The following GNAQ variants were observed in gnomAD, a reference collection of about 807,000 sequenced individuals.
GNAQ encodes the protein G protein subunit alpha q, also known as guanine nucleotide-binding protein G(q) subunit alpha.
A neutral mutation model predicts 43.9 loss-of-function variants in GNAQ; 8 were observed. That is an observed-to-expected ratio of 0.18 (90% confidence interval 0.11 to 0.33). GNAQ has a LOEUF of 0.33. Among genes scored for constraint, GNAQ ranks in the 10% least tolerant of loss-of-function variants. The probability of loss-of-function intolerance (pLI) is 1.00; values close to 1 mark genes in which losing one functional copy is unlikely to be tolerated. For synonymous variants in GNAQ, 155 were observed against 170.7 expected (o/e 0.91, Z 0.71); for missense variants, 158 against 450.8 (o/e 0.35, Z 5.88).
At chr9:78,003,230 G>A (rs183527547) in intron 1 of GNAQ, among the ~76,000 whole-genome samples, 135 of 152,248 alleles carry the variant, frequency 8.9e-4, no homozygotes, top group Non-Finnish European at 1.7e-3. Flanking sequence ...ATCCCTCAAG[G>A]AATGAAAAGT....
intron 1 of GNAQ, among the ~76,000 whole-genome samples, chr9:78,017,111 A>G (rs1178404291): frequency 6.6e-6 from 1 of 152,224 alleles, no homozygotes; most frequent in East Asian, 1.9e-4. Context: ...CAAAGTAAAT[A>G]TTCATTAAAA....
At chr9:77,722,092 G>C (rs1825323631) in intron 6 of GNAQ, among the ~76,000 whole-genome samples, 1 of 151,676 alleles carries the variant, frequency 6.6e-6, no homozygotes, top group South Asian at 2.1e-4. Flanking sequence ...CATTTGTGTA[G>C]CATTCAGTTC....
chr9:77,936,380 G>A (rs1047584568), intron 1 of GNAQ, among the ~76,000 whole-genome samples: 2 of 151,920 alleles, frequency 1.3e-5, no homozygotes, highest in Admixed American at 1.3e-4. Flanking sequence ...TTAATACACC[G>A]ACCCAATAAT....
chr9:77,733,565 C>G (rs2118235304), intron 5 of GNAQ, among the ~76,000 whole-genome samples: 1 of 152,308 alleles, frequency 6.6e-6, no homozygotes, highest in African/African-American at 2.4e-5. Flanking sequence ...ACCCAACTTC[C>G]CCAAGCAGTT....
At chr9:77,967,575 A>AC (rs1419116809) in intron 1 of GNAQ, among the ~76,000 whole-genome samples, 1 of 152,220 alleles carries the variant, frequency 6.6e-6, no homozygotes, top group Non-Finnish European at 1.5e-5. Context: ...ACAAAATGCC[A>AC]CATATGATTC....
chr9:77,949,520 G>A (rs572311626), intron 1 of GNAQ, among the ~76,000 whole-genome samples: 5 of 152,254 alleles, frequency 3.3e-5, no homozygotes, highest in South Asian at 4.1e-4. Flanking sequence ...CAGTAGTGCC[G>A]GCCACACAAG....
chr9:77,728,380 T>A lies in GNAQ; in HGVS notation c.889+134A>T, dbSNP rs118129359. 888 of 692,348 alleles carry A rather than the reference T, an allele frequency of 1.3e-3. 8 individuals carry two copies. In the East Asian group the frequency reaches 0.019, roughly 15 times the overall value. 42.9% of individuals were successfully genotyped at this position (692,348 alleles called of 1,614,324 possible). On this transcript the variant is annotated intron_variant, in intron 6 of 6. Coordinates refer to ENST00000286548, the MANE Select transcript of GNAQ (RefSeq NM_002072.5). Reference sequence around the variant, plus strand: ...AGACAGGGCAAACAAGAATTCCTACTGTATCAGTTTCAACACGCAGGCTGC... The same window carrying A: ...AGACAGGGCAAACAAGAATTCCTACAGTATCAGTTTCAACACGCAGGCTGC...
rs1252708333 is a variant in GNAQ, at chr9:77,923,854, A to G, written c.137-1509T>C. 2.0e-5 allele frequency among the ~76,000 whole-genome samples: 3 copies of G among 152,152 alleles called. No homozygotes were observed. In the East Asian group the frequency reaches 5.8e-4, roughly 29 times the overall value. ...AGGGAAGGAAGGAGGGAGAAAAAAA[A>G]TAAAAGCTAGTAATACGCCATCTGT... On this transcript the variant is annotated intron_variant, in intron 1 of 6. Coordinates refer to ENST00000286548, the MANE Select transcript of GNAQ (RefSeq NM_002072.5).
intron 1 of GNAQ, among the ~76,000 whole-genome samples, chr9:77,989,647 C>T (rs1823484774): frequency 6.6e-6 from 1 of 152,182 alleles, no homozygotes; most frequent in Admixed American, 6.5e-5. Context: ...CAACAGGATC[C>T]CAAAGAGGCT....
At chr9:77,872,388 G>C (rs1483090260) in intron 2 of GNAQ, among the ~76,000 whole-genome samples, 1 of 152,108 alleles carries the variant, frequency 6.6e-6, no homozygotes, top group Non-Finnish European at 1.5e-5. Flanking sequence ...CTCAACTGTG[G>C]CTTTCCCTTC....
chr9:77,994,650 T>C (rs1823546822), intron 1 of GNAQ, among the ~76,000 whole-genome samples: 1 of 152,224 alleles, frequency 6.6e-6, no homozygotes, highest in Non-Finnish European at 1.5e-5. Context: ...TCTTTCTCCC[T>C]GTGCTTAATA....
At chr9:77,723,244 AG>A (rs1416154684) in intron 6 of GNAQ, among the ~76,000 whole-genome samples, 2 of 152,238 alleles carry the variant, frequency 1.3e-5, no homozygotes, top group East Asian at 1.9e-4. Flanking sequence ...AAAATTAACA[AG>A]GGTTTGGGAA....
chr9:78,026,223 T>G (rs149844758), intron 1 of GNAQ, among the ~76,000 whole-genome samples: 6 of 152,320 alleles, frequency 3.9e-5, no homozygotes, highest in Admixed American at 3.9e-4. Flanking sequence ...TGTGTCAGAT[T>G]TGCCATATGA....
intron 1 of GNAQ, among the ~76,000 whole-genome samples, chr9:77,962,165 G>C (rs1823114386): frequency 6.6e-6 from 1 of 152,110 alleles, no homozygotes; most frequent in African/African-American, 2.4e-5. Flanking sequence ...AAAACGAGCA[G>C]TCTCAGTGTG....
chr9:77,769,112 A>AC (rs1382179150), intron 5 of GNAQ, among the ~76,000 whole-genome samples: 2 of 152,172 alleles, frequency 1.3e-5, no homozygotes, highest in African/African-American at 2.4e-5. Flanking sequence ...TGTTAGAAAA[A>AC]CAAATCGGCC....
chr9:77,904,449 CA>C, intron 2 of GNAQ, among the ~76,000 whole-genome samples: 1 of 150,402 alleles, frequency 6.6e-6, no homozygotes. Context: ...TCTCCTGCCT[CA>C]GCCTCCCGAG....
chr9:77,793,431 C>T (rs900744067), intron 5 of GNAQ, among the ~76,000 whole-genome samples: 1 of 152,018 alleles, frequency 6.6e-6, no homozygotes, highest in South Asian at 2.1e-4. Context: ...AAAAGAAATA[C>T]TATAGGAGCT....
intron 2 of GNAQ, among the ~76,000 whole-genome samples, chr9:77,870,502 ATT>A (rs1165444026): frequency 6.6e-6 from 1 of 151,148 alleles, no homozygotes; most frequent in African/African-American, 2.4e-5. Context: ...AATTTTTTGT[ATT>A]TTTAGTAGAG....
intron 2 of GNAQ, among the ~76,000 whole-genome samples, chr9:77,818,974 T>C (rs1053267519): frequency 6.0e-5 from 6 of 100,322 alleles, no homozygotes; most frequent in African/African-American, 8.4e-5. Context: ...CATTCCAGCC[T>C]AGGTAACAGA....
Sources: allele counts gnomAD v4.1 joint callset (sites outside exome capture counted in the v4.1 genomes callset), GRCh38; gene constraint gnomAD v4.1.1; transcripts MANE v1.5; gene names NCBI Gene and HGNC (gene_info 2026-07-23, HGNC 2026-07-21).